The following SLC3A2 variants were observed in gnomAD, a reference collection of about 807,000 sequenced individuals.
The protein encoded by SLC3A2 is amino acid transporter heavy chain SLC3A2.
A neutral mutation model predicts 48.5 loss-of-function variants in SLC3A2; 32 were observed. The ratio of observed to expected loss-of-function variants is 0.66; its 90% confidence interval spans 0.50 to 0.89. The LOEUF is 0.89. Among genes scored for constraint, SLC3A2 ranks in the 40% least tolerant of loss-of-function variants. The pLI is 0.00. For missense variants in SLC3A2, 587 were observed against 680.7 expected (o/e 0.86, Z 1.53); for synonymous variants, 277 against 288.8 (o/e 0.96, Z 0.41).
chr11:62,885,710 G>A (rs1347275632), intron 7 of SLC3A2, 102 bp downstream of exon 7: 19 of 1,322,608 alleles, frequency 1.4e-5, no homozygotes, highest in Non-Finnish European at 1.3e-5. Flanking sequence ...GGGTGAAAAC[G>A]CGTTTGATTC....
chr11:62,861,226 G>A (rs2085395167), intron 1 of SLC3A2, among the ~76,000 whole-genome samples: 1 of 150,740 alleles, frequency 6.6e-6, no homozygotes, highest in African/African-American at 2.4e-5. Context: ...TCCCAGTTCT[G>A]GGGGAGGCTG....
intron 1 of SLC3A2, among the ~76,000 whole-genome samples, chr11:62,862,529 C>T (rs1339606049): frequency 1.3e-5 from 2 of 151,890 alleles, no homozygotes; most frequent in Non-Finnish European, 2.9e-5. Context: ...CCACCCCTCC[C>T]CCAAGCCTAA....
intron 1 of SLC3A2, among the ~76,000 whole-genome samples, chr11:62,866,973 T>C (rs1322111944): frequency 6.6e-6 from 1 of 152,114 alleles, no homozygotes; most frequent in East Asian, 1.9e-4. Flanking sequence ...GAATCTGCTA[T>C]TTCTTTTTTC....
At chr11:62,856,698 C>G (rs1348928289) in intron 1 of SLC3A2, among the ~76,000 whole-genome samples, 1 of 152,206 alleles carries the variant, frequency 6.6e-6, no homozygotes, top group Non-Finnish European at 1.5e-5. Flanking sequence ...CTGCCTGCTG[C>G]AACTCCTGCC....
chr11:62,887,006 A>G (rs922860771), intron 7 of SLC3A2, among the ~76,000 whole-genome samples: 3 of 152,146 alleles, frequency 2.0e-5, no homozygotes, highest in African/African-American at 4.8e-5. Context: ...CCAAACTGCT[A>G]TGATTACAGG....
chr11:62,867,403 G>T (rs1421827502), intron 1 of SLC3A2, among the ~76,000 whole-genome samples: 1 of 136,762 alleles, frequency 7.3e-6, no homozygotes, highest in Non-Finnish European at 1.5e-5. Context: ...TTGGCTCACT[G>T]CACTCTCCGC....
intron 7 of SLC3A2, among the ~76,000 whole-genome samples, chr11:62,885,900 T>G (rs950918891): frequency 1.3e-5 from 2 of 152,242 alleles, no homozygotes; most frequent in African/African-American, 4.8e-5. Context: ...ATTCATTTAT[T>G]CATTCCTTTA....
In SLC3A2 at chr11:62,888,621, C is replaced by G. The variant is rs2085747749; in HGVS notation, c.1518C>G (p.Ser506=). Residue 506 remains serine (S), a synonymous_variant, in exon 9 of 9, where the codon TCC becomes TCG. Coordinates refer to ENST00000338663, the MANE Select transcript of SLC3A2 (RefSeq NM_001013251.3). ...LSTQPGREEG[S]PLELERLKLE... ...CCCAGCCAGGCCGTGAGGAGGGCTC[C>G]CCTCTTGAGCTGGAACGCCTGAAAC... 1.9e-6 allele frequency: 3 copies of G among 1,609,930 alleles called. No individual in the cohort carries two copies. Among genetic ancestry groups the G allele is most frequent in the Non-Finnish European group, 2.5e-6 (3 of 1,179,992 alleles).
intron 1 of SLC3A2, among the ~76,000 whole-genome samples, chr11:62,859,025 G>T (rs575624263): frequency 1.3e-5 from 2 of 152,246 alleles, no homozygotes; most frequent in South Asian, 4.2e-4. Context: ...CAAGAGGCAT[G>T]CCTTCCTCTT....
In SLC3A2 at chr11:62,881,835, TGGGGAGGTCAGGGGCCTCTCAGAGG is replaced by T; in HGVS notation, c.425-55_425-31del. The T allele has an allele frequency of 6.4e-7, 1 of 1,563,076 alleles. No homozygotes were observed. The highest frequency in any genetic ancestry group is 1.1e-5 in the South Asian group (1 of 88,384). Reference sequence around the variant, plus strand: ...CCTTAGGCGCTGGGAGAAGGGAGGGTGGGGAGGTCAGGGGCCTCTCAGAGGGGCCTCACTTGTTAACCCAGCCCCC... The same window carrying T: ...CCTTAGGCGCTGGGAGAAGGGAGGGTGGCCTCACTTGTTAACCCAGCCCCC... On this transcript the variant is annotated intron_variant, in intron 1 of 8. Coordinates refer to ENST00000338663, the MANE Select transcript of SLC3A2 (RefSeq NM_001013251.3). This position sits in a 1 kb window ranked among gnomAD's most constrained non-coding sequence, Gnocchi z 4.0.
At chr11:62,877,253 G>A (rs1370253579), upstream of SLC3A2, among the ~76,000 whole-genome samples, 3 of 151,930 alleles carry the variant, frequency 2.0e-5, no homozygotes, top group South Asian at 4.1e-4. Context: ...TAGAGACAGC[G>A]TTTCACCATG....
chr11:62,885,649 C>T (rs778702631), intron 7 of SLC3A2, 41 bp downstream of exon 7: 4 of 1,607,510 alleles, frequency 2.5e-6, no homozygotes, highest in East Asian at 2.2e-5. Context: ...GGTTGTTTAT[C>T]CATCTTACAA....
intron 1 of SLC3A2, among the ~76,000 whole-genome samples, chr11:62,869,600 G>A (rs941862884): frequency 4.8e-5 from 7 of 145,742 alleles, no homozygotes; most frequent in South Asian, 2.1e-4. Flanking sequence ...GGTTTTTTTC[G>A]TACTGGTTTT....
chr11:62,874,934 TG>T (rs1446637914), intron 1 of SLC3A2, among the ~76,000 whole-genome samples: 1 of 152,134 alleles, frequency 6.6e-6, no homozygotes, highest in Non-Finnish European at 1.5e-5. Flanking sequence ...GACTAATTTT[TG>T]TATTTTTAGT....
At chr11:62,864,670 G>A (rs1740731503) in intron 1 of SLC3A2, among the ~76,000 whole-genome samples, 1 of 151,904 alleles carries the variant, frequency 6.6e-6, no homozygotes. Context: ...GTTTCACTGT[G>A]TTAGCCAGGA....
At chr11:62,866,123 T>A (rs1046711231) in intron 1 of SLC3A2, among the ~76,000 whole-genome samples, 1 of 151,158 alleles carries the variant, frequency 6.6e-6, no homozygotes, top group African/African-American at 2.4e-5. Flanking sequence ...TCAGCCACTT[T>A]TTTTTTTTTT....
In SLC3A2 at chr11:62,888,230, A is replaced by G; in HGVS notation, c.1227+12A>G. ...ACATGACTGTGAAGGTAAGAGTTCT[A>G]GATGGGTAGAAACTGACCGGTGGAG... On this transcript the variant is annotated intron_variant, in intron 8 of 8. Transcript: ENST00000338663. The G allele has an allele frequency of 6.2e-7, 1 of 1,613,822 alleles. No individual in the cohort carries two copies. Among genetic ancestry groups the G allele is most frequent in the South Asian group, 1.1e-5 (1 of 91,072 alleles).
At chr11:62,872,616 C>A (rs1039956635) in intron 1 of SLC3A2, among the ~76,000 whole-genome samples, 1 of 152,150 alleles carries the variant, frequency 6.6e-6, no homozygotes, top group African/African-American at 2.4e-5. Flanking sequence ...TTTTTTCTTT[C>A]TTTGAGACGG....
At chr11:62,857,946 A>C (rs1431116118) in intron 1 of SLC3A2, among the ~76,000 whole-genome samples, 2 of 152,150 alleles carry the variant, frequency 1.3e-5, no homozygotes, top group East Asian at 1.9e-4. Flanking sequence ...AAAGATGGGC[A>C]AAAGGGGAGT....
Sources: allele counts gnomAD v4.1 joint callset (sites outside exome capture counted in the v4.1 genomes callset), GRCh38; gene constraint gnomAD v4.1.1; non-coding constraint Gnocchi (gnomAD v3.1); transcripts MANE v1.5; gene names NCBI Gene and HGNC (gene_info 2026-07-23, HGNC 2026-07-21).